GRID2: variants seen among roughly 807,000 people sequenced by gnomAD.
The protein encoded by GRID2 is glutamate receptor ionotropic, delta-2.
GRID2 carries 33 observed loss-of-function variants against 114.8 expected under a neutral mutation model. The ratio of observed to expected loss-of-function variants is 0.29; its 90% CI spans 0.22 to 0.38. The LOEUF (loss-of-function observed/expected upper bound fraction) is 0.38. Among genes scored for constraint, GRID2 ranks in the 10% least tolerant of loss-of-function variants. The pLI, the probability that GRID2 is intolerant of heterozygous loss-of-function variation, is 1.00. For synonymous variants in GRID2, 505 were observed against 449.9 expected, an observed-to-expected ratio of 1.12 and a Z score of -1.55; for missense variants, 1,184 against 1,257.7, an observed-to-expected ratio of 0.94 and a Z score of 0.89.
chr4:92,797,726 A>T (rs2149369683), intron 2 of GRID2, among the ~76,000 whole-genome samples: 1 of 152,024 alleles, frequency 6.6e-6, no homozygotes, highest in East Asian at 1.9e-4. Flanking sequence ...GTTCATCTGC[A>T]AATTTTTTTC....
chr4:93,655,904 A>AT (rs1248035569), intron 14 of GRID2, among the ~76,000 whole-genome samples: 1 of 151,884 alleles, frequency 6.6e-6, no homozygotes, highest in African/African-American at 2.4e-5. Context: ...TTCAGAAAGC[A>AT]TTTTTTTAAT....
chr4:93,049,415 G>T (rs938718867), intron 2 of GRID2, among the ~76,000 whole-genome samples: 1 of 151,578 alleles, frequency 6.6e-6, no homozygotes, highest in Admixed American at 6.6e-5. Flanking sequence ...TTGACTCTCT[G>T]TTTTCTTTGT....
At chr4:92,600,661 C>T (rs879790191) in intron 2 of GRID2, among the ~76,000 whole-genome samples, 10 of 152,106 alleles carry the variant, frequency 6.6e-5, no homozygotes, top group African/African-American at 2.4e-4. Context: ...GTGGTTTGCT[C>T]GGGGTCCACT....
Position 92,891,283 on chromosome 4 carries a change from A to G in GRID2, c.245-193712A>G, listed in dbSNP as rs191127512. ...ACTATAAGAAAAAAAAGCAGAAGCA[A>G]TTAATAGTGTTGCAATTAATTTTCA... is the stretch of plus-strand genomic sequence containing the variant. On this transcript the variant is annotated intron_variant, in intron 2 of 15. Transcript: ENST00000282020. Among the ~76,000 whole-genome samples, 6 of 152,320 alleles carry G rather than the reference A, an allele frequency of 3.9e-5. 1 individual carries two copies. Among genetic ancestry groups the G allele is most frequent in the South Asian group, 4.2e-4 (2 of 4,816 alleles).
chr4:93,256,431 T>A (rs954013538), intron 8 of GRID2, among the ~76,000 whole-genome samples: 1 of 151,732 alleles, frequency 6.6e-6, no homozygotes. Flanking sequence ...ATTTTTGGTT[T>A]TTTTTTTTGG....
At chr4:92,563,902 G>A (rs1462673355) in intron 1 of GRID2, among the ~76,000 whole-genome samples, 1 of 151,912 alleles carries the variant, frequency 6.6e-6, no homozygotes, top group East Asian at 1.9e-4. Context: ...CTACTTCCAT[G>A]ACTTTTCTTA....
At chr4:93,149,887 C>T (rs923101911) in intron 4 of GRID2, among the ~76,000 whole-genome samples, 1 of 151,904 alleles carries the variant, frequency 6.6e-6, no homozygotes, top group African/African-American at 2.4e-5. Flanking sequence ...CCTCCTGCCT[C>T]CACCTCCCAG....
intron 2 of GRID2, among the ~76,000 whole-genome samples, chr4:92,799,078 G>A (rs1207743816): frequency 6.6e-6 from 1 of 151,850 alleles, no homozygotes; most frequent in Non-Finnish European, 1.5e-5. Context: ...CATTTATTGT[G>A]CACTTTATTT....
chr4:93,677,231 C>A (rs182642506), intron 14 of GRID2, among the ~76,000 whole-genome samples: 1 of 152,174 alleles, frequency 6.6e-6, no homozygotes, highest in East Asian at 1.9e-4. Flanking sequence ...GGGGGAGGGG[C>A]GCCCGCCATT....
chr4:93,018,560 AT>A (rs1354809829), intron 2 of GRID2, among the ~76,000 whole-genome samples: 2 of 152,152 alleles, frequency 1.3e-5, no homozygotes, highest in Non-Finnish European at 2.9e-5. Flanking sequence ...TTTAAGAGCA[AT>A]TTATAAAGCT....
At chr4:92,832,745 C>G (rs1742202946) in intron 2 of GRID2, among the ~76,000 whole-genome samples, 1 of 151,986 alleles carries the variant, frequency 6.6e-6, no homozygotes, top group Non-Finnish European at 1.5e-5. Context: ...CGAGATCATG[C>G]CACTGCACTC....
At chr4:93,631,692 T>A (rs1560842278) in intron 14 of GRID2, among the ~76,000 whole-genome samples, 2 of 152,226 alleles carry the variant, frequency 1.3e-5, no homozygotes, top group Non-Finnish European at 1.5e-5. Flanking sequence ...GCATGTGTCT[T>A]TATAGCAGCA....
chr4:93,670,785 A>G (rs1445924666), intron 14 of GRID2, among the ~76,000 whole-genome samples: 3 of 152,222 alleles, frequency 2.0e-5, no homozygotes, highest in African/African-American at 7.2e-5. Context: ...ATTTTAAAAA[A>G]GAACCCACTA....
At chr4:92,321,987 A>G (rs1258810879) in intron 1 of GRID2, among the ~76,000 whole-genome samples, 2 of 152,162 alleles carry the variant, frequency 1.3e-5, no homozygotes, top group African/African-American at 2.4e-5. Context: ...GGACTTATGG[A>G]CTATTGCAAA....
intron 2 of GRID2, among the ~76,000 whole-genome samples, chr4:93,052,706 T>C (rs191272101): frequency 6.6e-5 from 10 of 152,002 alleles, no homozygotes; most frequent in African/African-American, 2.4e-4. Context: ...GACAATTCTT[T>C]TAATATTTAA....
chr4:93,255,066 T>C (rs970484), intron 8 of GRID2, among the ~76,000 whole-genome samples: 108,018 of 152,048 alleles, frequency 0.71, 39,253 homozygotes, highest in Middle Eastern at 0.86. Context: ...CTCTTCCAGA[T>C]ATTTTCTTTT....
At chr4:92,481,271 G>C (rs1055510775) in intron 1 of GRID2, among the ~76,000 whole-genome samples, 2 of 151,970 alleles carry the variant, frequency 1.3e-5, no homozygotes, top group African/African-American at 4.8e-5. Context: ...TACCCTTAAA[G>C]TTCCTGGAAG....
chr4:93,002,862 G>C (rs1227817685), intron 2 of GRID2, among the ~76,000 whole-genome samples: 3 of 151,752 alleles, frequency 2.0e-5, no homozygotes, highest in Admixed American at 2.0e-4. Flanking sequence ...GGCTGTAGGG[G>C]AGAATCCATT....
downstream of GRID2, among the ~76,000 whole-genome samples, chr4:93,776,825 A>G (rs1734379353): frequency 6.6e-6 from 1 of 152,180 alleles, no homozygotes; most frequent in Non-Finnish European, 1.5e-5. Context: ...ATCCTTATTG[A>G]TACTTGCATA....
Sources: gnomAD v4.1 joint callset for allele counts (sites outside exome capture counted in the v4.1 genomes callset) on GRCh38, gnomAD v4.1.1 for gene constraint, MANE v1.5 for transcripts, NCBI Gene and HGNC (gene_info 2026-07-23, HGNC 2026-07-21) for gene names.